Variants in PRKG1 observed in about 807,000 individuals in gnomAD.
PRKG1 encodes the protein cGMP-dependent protein kinase 1.
In PRKG1, 35 loss-of-function variants were observed where a neutral mutation model predicts 88.1. That is an observed-to-expected ratio of 0.40 (90% CI 0.30 to 0.53). The LOEUF is 0.53. Among genes scored for constraint, PRKG1 ranks in the 20% least tolerant of loss-of-function variants. PRKG1 has a pLI of 0.59. For synonymous variants in PRKG1, 303 were observed against 292.5 expected (o/e 1.04, Z -0.37); for missense variants, 540 against 839.8 (o/e 0.64, Z 4.41).
At chr10:51,032,360 T>C (rs911426316) in intron 1 of PRKG1, among the ~76,000 whole-genome samples, 1 of 149,192 alleles carries the variant, frequency 6.7e-6, no homozygotes, top group African/African-American at 2.4e-5. Flanking sequence ...TCTTTCATCT[T>C]TTTTTTTTTG....
intron 4 of PRKG1, among the ~76,000 whole-genome samples, chr10:51,815,808 A>AACAGC (rs1839569856): frequency 6.6e-6 from 1 of 152,174 alleles, no homozygotes; most frequent in Non-Finnish European, 1.5e-5. Flanking sequence ...GGTGTCTATG[A>AACAGC]ATCTGAGAAT....
At chr10:51,696,785 C>A (rs1841304689) in intron 3 of PRKG1, 1 of 152,046 alleles carries the variant, frequency 6.6e-6, no homozygotes, top group South Asian at 2.1e-4. Context: ...CTTAGTGAAA[C>A]CTTCCACTAC....
chr10:51,974,116 A>G (rs1050110816), intron 5 of PRKG1, among the ~76,000 whole-genome samples: 2 of 152,188 alleles, frequency 1.3e-5, no homozygotes, highest in Admixed American at 6.6e-5. Flanking sequence ...AATATTTACT[A>G]TCTGGTCATT....
intron 5 of PRKG1, among the ~76,000 whole-genome samples, chr10:51,963,131 C>T (rs150507434): frequency 3.7e-3 from 558 of 152,086 alleles, no homozygotes; most frequent in Non-Finnish European, 6.1e-3. Context: ...AATTAACTGG[C>T]GGATTTCTAA....
At chr10:51,205,606 G>A (rs753630438) in intron 2 of PRKG1, among the ~76,000 whole-genome samples, 46 of 152,014 alleles carry the variant, frequency 3.0e-4, no homozygotes, top group Non-Finnish European at 2.1e-4. Context: ...TACAGTCTCG[G>A]CTCACTGCCA....
intron 3 of PRKG1, among the ~76,000 whole-genome samples, chr10:51,568,230 G>A (rs1430371932): frequency 2.0e-5 from 3 of 151,972 alleles, no homozygotes; most frequent in Non-Finnish European, 4.4e-5. Flanking sequence ...GAAATAAGAT[G>A]ACATTTTATT....
At chr10:52,054,214 A>G (rs1846054978) in intron 5 of PRKG1, among the ~76,000 whole-genome samples, 1 of 152,246 alleles carries the variant, frequency 6.6e-6, no homozygotes, top group African/African-American at 2.4e-5. Flanking sequence ...GCACATGCAT[A>G]CATATGTAAC....
At chr10:52,233,193 AAAAAG>A (rs1194289670) in intron 9 of PRKG1, among the ~76,000 whole-genome samples, 2 of 151,996 alleles carry the variant, frequency 1.3e-5, no homozygotes, top group Non-Finnish European at 2.9e-5. Flanking sequence ...CCAAAAAAAA[AAAAAG>A]AGAGAGAGAG....
At chr10:51,395,562 G>T (rs1588912648) in intron 2 of PRKG1, among the ~76,000 whole-genome samples, 1 of 152,276 alleles carries the variant, frequency 6.6e-6, no homozygotes, top group East Asian at 1.9e-4. Flanking sequence ...CTTTAAAGAA[G>T]TTATGGGCAG....
chr10:51,272,321 C>G (rs1000630205), intron 2 of PRKG1, among the ~76,000 whole-genome samples: 2 of 150,092 alleles, frequency 1.3e-5, no homozygotes, highest in African/African-American at 5.0e-5. Flanking sequence ...AACACGTGGA[C>G]ACAGGGAGGG....
At chr10:52,278,040 G>T (rs1416492253) in intron 12 of PRKG1, among the ~76,000 whole-genome samples, 1 of 152,076 alleles carries the variant, frequency 6.6e-6, no homozygotes, top group African/African-American at 2.4e-5. Flanking sequence ...TACAGAATGG[G>T]AGAAAATTTT....
intron 3 of PRKG1, among the ~76,000 whole-genome samples, chr10:51,475,733 G>A (rs758899612): frequency 6.6e-6 from 1 of 151,862 alleles, no homozygotes; most frequent in Admixed American, 6.6e-5. Flanking sequence ...ATTAAAAGAA[G>A]AACAGATTGA....
chr10:52,226,025 GA>G (rs1840379718), intron 9 of PRKG1, among the ~76,000 whole-genome samples: 1 of 118,240 alleles, frequency 8.5e-6, no homozygotes, highest in African/African-American at 3.7e-5. Flanking sequence ...CATGAGGGTT[GA>G]TTTTTTTTTT....
intron 4 of PRKG1, among the ~76,000 whole-genome samples, chr10:51,834,672 GA>G (rs1840083122): frequency 1.7e-5 from 2 of 115,658 alleles, no homozygotes; most frequent in African/African-American, 7.2e-5. Flanking sequence ...AGGAAAGAAA[GA>G]AAGACAGAAA....
At chr10:51,410,416 G>A (rs937390548) in intron 2 of PRKG1, among the ~76,000 whole-genome samples, 8 of 151,880 alleles carry the variant, frequency 5.3e-5, no homozygotes, top group African/African-American at 1.5e-4. Flanking sequence ...TATGATATTC[G>A]AGGGCAGGAA....
intron 4 of PRKG1, among the ~76,000 whole-genome samples, chr10:51,893,495 G>T (rs1274354984): frequency 6.6e-6 from 1 of 152,120 alleles, no homozygotes; most frequent in East Asian, 1.9e-4. Context: ...CCCCCTGCAG[G>T]TGCCTTTGTA....
chr10:52,296,749 T>A lies in PRKG1; in HGVS notation c.*2849T>A, dbSNP rs1162499494. On this transcript the variant is annotated 3_prime_UTR_variant, in exon 18 of 18. Transcript: ENST00000373980. The stretch of plus-strand genomic sequence containing the variant: ...GGAAGCAACATTAAAACAACTGGGA[T>A]AGATTGAATACATTTGAAAAAATAA... The A allele has an allele frequency of 6.6e-6, 1 of 152,052 alleles. No individual in the cohort carries two copies. The highest frequency in any genetic ancestry group is 1.5e-5 in the Non-Finnish European group (1 of 67,960). 9.4% of individuals were successfully genotyped at this position (152,052 alleles called of 1,614,324 possible). A position where few individuals can be genotyped will look rare whatever the true frequency, so the allele number is the denominator to read the frequency against.
intron 1 of PRKG1, among the ~76,000 whole-genome samples, chr10:51,130,590 T>C (rs921959564): frequency 6.6e-6 from 1 of 152,168 alleles, no homozygotes; most frequent in Non-Finnish European, 1.5e-5. Context: ...TTTTATTTTT[T>C]GTCATGCATC....
intron 4 of PRKG1, among the ~76,000 whole-genome samples, chr10:51,818,255 A>G (rs183853739): frequency 6.6e-6 from 1 of 152,322 alleles, no homozygotes; most frequent in African/African-American, 2.4e-5. Flanking sequence ...TATTTAGCCT[A>G]CATTAAGGAT....
Sources: gnomAD v4.1 joint callset for allele counts (sites outside exome capture counted in the v4.1 genomes callset) on GRCh38, gnomAD v4.1.1 for gene constraint, MANE v1.5 for transcripts, NCBI Gene and HGNC (gene_info 2026-07-23, HGNC 2026-07-21) for gene names.